Variants in ST6GALNAC5 observed in about 807,000 individuals in gnomAD.
ST6GALNAC5 encodes alpha-N-acetylgalactosaminide alpha-2,6-sialyltransferase 5.
Under a neutral mutation model 33.6 loss-of-function variants are expected in ST6GALNAC5, and 27 were observed. The observed-to-expected ratio is 0.80, with a 90% CI of 0.59 to 1.11. The LOEUF (loss-of-function observed/expected upper bound fraction) is 1.11, where lower values mean the gene tolerates loss of function less well. ST6GALNAC5 is among the 50% of genes least tolerant of loss of function. The probability of loss-of-function intolerance (pLI) is 0.00; values close to 1 mark genes in which losing one functional copy is unlikely to be tolerated. For missense variants in ST6GALNAC5, 428 were observed against 454.0 expected (o/e 0.94, Z 0.52); for synonymous variants, 194 against 171.2 (o/e 1.13, Z -1.04).
intron 2 of ST6GALNAC5, among the ~76,000 whole-genome samples, chr1:76,989,778 A>G (rs920073049): frequency 4.6e-4 from 70 of 152,110 alleles, no homozygotes; most frequent in Non-Finnish European, 9.3e-4. Context: ...CTTTTTTATG[A>G]AATTCATTAT....
At chr1:76,873,529 G>A (rs527851283) in intron 2 of ST6GALNAC5, among the ~76,000 whole-genome samples, 9 of 152,156 alleles carry the variant, frequency 5.9e-5, no homozygotes, top group Non-Finnish European at 1.2e-4. Context: ...AGGTGGAGGA[G>A]AGAAGGACAG....
intron 2 of ST6GALNAC5, among the ~76,000 whole-genome samples, chr1:76,884,526 A>G (rs1049915038): frequency 1.3e-5 from 2 of 152,190 alleles, no homozygotes; most frequent in Admixed American, 6.5e-5. Flanking sequence ...GTGCCGCAGG[A>G]AAAGGGGGCA....
chr1:76,960,069 ATATACAC>A (rs1264111164), intron 2 of ST6GALNAC5, among the ~76,000 whole-genome samples: 1 of 152,172 alleles, frequency 6.6e-6, no homozygotes, highest in African/African-American at 2.4e-5. Flanking sequence ...CCACTTTTAA[ATATACAC>A]TATGTTGGTA....
chr1:76,873,366 T>C (rs1458523323), intron 2 of ST6GALNAC5, among the ~76,000 whole-genome samples: 1 of 152,238 alleles, frequency 6.6e-6, no homozygotes, highest in Non-Finnish European at 1.5e-5. Flanking sequence ...AGTTTATTTG[T>C]CTATTTTCTG....
chr1:76,894,602 A>T (rs951118126), intron 2 of ST6GALNAC5, among the ~76,000 whole-genome samples: 3 of 152,162 alleles, frequency 2.0e-5, no homozygotes, highest in Non-Finnish European at 2.9e-5. Flanking sequence ...AAAGAAAAAA[A>T]CCTTTATTTT....
chr1:76,982,379 A>G (rs1649294209), intron 2 of ST6GALNAC5, among the ~76,000 whole-genome samples: 3 of 152,240 alleles, frequency 2.0e-5, no homozygotes, highest in Admixed American at 1.3e-4. Flanking sequence ...ACAAGCTTCA[A>G]TAGCTGAATC....
chr1:77,026,947 A>G (rs1570111944), intron 2 of ST6GALNAC5, among the ~76,000 whole-genome samples: 1 of 152,224 alleles, frequency 6.6e-6, no homozygotes, highest in South Asian at 2.1e-4. Context: ...CACTGCGCAC[A>G]GTGGTTTGGG....
intron 4 of ST6GALNAC5, among the ~76,000 whole-genome samples, chr1:77,050,714 A>G (rs553571053): frequency 3.2e-4 from 48 of 152,366 alleles, no homozygotes; most frequent in African/African-American, 1.2e-3. Context: ...ATAATTTTTT[A>G]ATGAATTAAA....
intron 2 of ST6GALNAC5, among the ~76,000 whole-genome samples, chr1:76,946,421 G>C (rs533408694): frequency 6.6e-6 from 1 of 152,126 alleles, no homozygotes; most frequent in Non-Finnish European, 1.5e-5. Flanking sequence ...AACTGGGGAG[G>C]TCTGATTCCC....
rs577781277 is a variant in ST6GALNAC5, at chr1:77,033,151, T to G, written c.262-11053T>G. 5.3e-5 allele frequency among the ~76,000 whole-genome samples: 8 copies of G among 152,300 alleles called. No homozygotes were observed. The East Asian group carries it at 1.5e-3, about 29-fold the overall frequency. ...AGCCAGTGCGTAACATCAACCAATGTACTAGCATTTCAGAAAAGAAACAAA... is the reference window on the plus strand; with the variant it reads ...AGCCAGTGCGTAACATCAACCAATGGACTAGCATTTCAGAAAAGAAACAAA... On this transcript the variant is annotated intron_variant, in intron 2 of 4. Coordinates refer to ENST00000477717, the MANE Select transcript of ST6GALNAC5 (RefSeq NM_030965.3).
At chr1:76,995,456 G>C (rs1303514845) in intron 2 of ST6GALNAC5, 2 of 152,188 alleles carry the variant, frequency 1.3e-5, no homozygotes, top group African/African-American at 2.4e-5. Flanking sequence ...CTGCCAGGCA[G>C]TGCGTGAGGG....
chr1:77,025,180 C>G (rs776915735), intron 2 of ST6GALNAC5, among the ~76,000 whole-genome samples: 1 of 152,320 alleles, frequency 6.6e-6, no homozygotes, highest in Middle Eastern at 3.4e-3. Flanking sequence ...TACATTCTTA[C>G]GCGTGGACAC....
At chr1:77,031,294 T>C (rs1651443838) in intron 2 of ST6GALNAC5, among the ~76,000 whole-genome samples, 1 of 152,208 alleles carries the variant, frequency 6.6e-6, no homozygotes, top group South Asian at 2.1e-4. Context: ...CTTGGCAAAG[T>C]GAAAAATTAT....
chr1:77,056,284 G>C (rs1652393393), intron 4 of ST6GALNAC5, among the ~76,000 whole-genome samples: 2 of 152,262 alleles, frequency 1.3e-5, no homozygotes, highest in African/African-American at 4.8e-5. Context: ...TGTTGTCGTT[G>C]CTTTCCAAAC....
At chr1:76,888,840 A>G (rs1205124171) in intron 2 of ST6GALNAC5, among the ~76,000 whole-genome samples, 1 of 152,194 alleles carries the variant, frequency 6.6e-6, no homozygotes, top group African/African-American at 2.4e-5. Flanking sequence ...GTTTTGGTAT[A>G]TGCATACATT....
At chr1:76,896,454 T>C (rs1654137953) in intron 2 of ST6GALNAC5, among the ~76,000 whole-genome samples, 1 of 152,188 alleles carries the variant, frequency 6.6e-6, no homozygotes, top group Admixed American at 6.5e-5. Context: ...TATGAGAGGT[T>C]CTAAGAGGCG....
chr1:76,979,224 C>T (rs1165720763), intron 2 of ST6GALNAC5, among the ~76,000 whole-genome samples: 1 of 151,922 alleles, frequency 6.6e-6, no homozygotes, highest in Non-Finnish European at 1.5e-5. Context: ...TCAATGCAAT[C>T]CCTACGAAAA....
intron 2 of ST6GALNAC5, among the ~76,000 whole-genome samples, chr1:76,932,969 C>T (rs79293547): frequency 0.015 from 2,218 of 152,210 alleles, 20 homozygotes; most frequent in Non-Finnish European, 0.024. Context: ...TTTCAGTCAC[C>T]ATCCCTGTTT....
intron 2 of ST6GALNAC5, among the ~76,000 whole-genome samples, chr1:76,996,949 ATG>A (rs1649962104): frequency 6.6e-6 from 1 of 152,174 alleles, no homozygotes; most frequent in Middle Eastern, 3.2e-3. Context: ...TTGTACCAGG[ATG>A]TGTTATATTT....
Sources: gnomAD v4.1 joint callset for allele counts (sites outside exome capture counted in the v4.1 genomes callset) on GRCh38, gnomAD v4.1.1 for gene constraint, MANE v1.5 for transcripts, NCBI Gene and HGNC (gene_info 2026-07-23, HGNC 2026-07-21) for gene names.